Variants in SMYD3 observed in about 807,000 individuals in gnomAD.
SMYD3 encodes the protein histone-lysine N-methyltransferase SMYD3.
A neutral mutation model predicts 57.7 loss-of-function variants in SMYD3; 36 were observed. The observed-to-expected ratio is 0.62, with a 90% confidence interval of 0.48 to 0.82. SMYD3 has a LOEUF of 0.82. Among genes scored for constraint, SMYD3 ranks in the 40% least tolerant of loss-of-function variants. The probability of loss-of-function intolerance (pLI) is 0.00; values close to 1 mark genes in which losing one functional copy is unlikely to be tolerated. For synonymous variants in SMYD3, 211 were observed against 195.0 expected (o/e 1.08, Z -0.68); for missense variants, 515 against 538.8 (o/e 0.96, Z 0.44).
At position 245,997,801 on chromosome 1, in the gene SMYD3, T is replaced by A. The variant is rs555423171; in HGVS notation, c.532-67864A>T. 5.3e-5 allele frequency among the ~76,000 whole-genome samples: 8 copies of A among 152,024 alleles called. No individual in the cohort carries two copies. In the East Asian group the frequency reaches 1.5e-3, roughly 29 times the overall value. Reference sequence around the variant, plus strand: ...AAGGGGGAAGGACAAAGGCAGGATGTGAGGATGGTCAGGGAGTGATCAGAA... The same window carrying A: ...AAGGGGGAAGGACAAAGGCAGGATGAGAGGATGGTCAGGGAGTGATCAGAA... On this transcript the variant is annotated intron_variant, in intron 5 of 11. Transcript: ENST00000490107.
intron 5 of SMYD3, among the ~76,000 whole-genome samples, chr1:246,259,505 C>G (rs79570895): frequency 2.0e-5 from 3 of 151,978 alleles, no homozygotes; most frequent in Admixed American, 2.0e-4. Flanking sequence ...TCTATCTTTG[C>G]TCTGCCTTTG....
intron 1 of SMYD3, among the ~76,000 whole-genome samples, chr1:246,365,331 A>T (rs1357092289): frequency 2.0e-5 from 3 of 151,526 alleles, no homozygotes; most frequent in African/African-American, 4.8e-5. Flanking sequence ...TACAAAAAAA[A>T]AAAAAATTAA....
At chr1:245,883,251 T>C (rs531312365) in intron 8 of SMYD3, among the ~76,000 whole-genome samples, 11 of 152,258 alleles carry the variant, frequency 7.2e-5, no homozygotes, top group African/African-American at 2.6e-4. Flanking sequence ...TTCCAAACTG[T>C]ATAAGCAATA....
intron 5 of SMYD3, among the ~76,000 whole-genome samples, chr1:246,302,036 G>C (rs2064899114): frequency 1.3e-5 from 2 of 152,122 alleles, no homozygotes; most frequent in African/African-American, 4.8e-5. Flanking sequence ...CAAGCACATA[G>C]AAATACCGCG....
rs537425145 is a variant in SMYD3 at position 246,348,972 on chromosome 1, A to G, written c.228+6059T>C. On this transcript the variant is annotated intron_variant, in intron 2 of 11. Transcript: ENST00000490107. ...TGAGAGAAAAAAAAATTACTAATCTAGAATTCTGTACCCTGTGGAATTACC... is the reference window on the plus strand; with the variant it reads ...TGAGAGAAAAAAAAATTACTAATCTGGAATTCTGTACCCTGTGGAATTACC... Among the ~76,000 whole-genome samples, 84 of 152,230 alleles carry G rather than the reference A, an allele frequency of 5.5e-4. 2 individuals carry two copies. In the South Asian group the frequency reaches 0.016, roughly 30 times the overall value.
At chr1:246,058,797 G>A (rs1159052113) in intron 5 of SMYD3, among the ~76,000 whole-genome samples, 1 of 151,698 alleles carries the variant, frequency 6.6e-6, no homozygotes, top group Non-Finnish European at 1.5e-5. Flanking sequence ...AGTATAGAAG[G>A]ACTTTTATTG....
At chr1:245,867,641 TGCATGC>T (rs2051931244) in intron 8 of SMYD3, among the ~76,000 whole-genome samples, 1 of 81,916 alleles carries the variant, frequency 1.2e-5, no homozygotes, top group African/African-American at 3.2e-5. Flanking sequence ...AGAAGATATG[TGCATGC>T]GCGTGCGTGT....
chr1:246,246,806 ACT>A (rs902544862), intron 5 of SMYD3, among the ~76,000 whole-genome samples: 2 of 150,698 alleles, frequency 1.3e-5, no homozygotes, highest in African/African-American at 4.9e-5. Flanking sequence ...AATTTGCCTG[ACT>A]CTAACATTTA....
rs576143557 is a variant in SMYD3, at chr1:246,110,597, C to T, written c.532-180660G>A. On this transcript the variant is annotated intron_variant, in intron 5 of 11. Coordinates refer to ENST00000490107, the MANE Select transcript of SMYD3 (RefSeq NM_001167740.2). Reference sequence around the variant, plus strand: ...AGCTGAGCTGTGTCCTGGCTCCCCGCTGCAAGACAGACAGATCTGGTGCTC... The same window carrying T: ...AGCTGAGCTGTGTCCTGGCTCCCCGTTGCAAGACAGACAGATCTGGTGCTC... Among the ~76,000 whole-genome samples, 9 of 152,350 alleles carry T rather than the reference C, an allele frequency of 5.9e-5. No individual in the cohort carries two copies. The South Asian group carries it at 1.9e-3, about 32-fold the overall frequency.
chr1:246,225,575 G>C (rs977689054), intron 5 of SMYD3, among the ~76,000 whole-genome samples: 1 of 152,100 alleles, frequency 6.6e-6, no homozygotes, highest in Non-Finnish European at 1.5e-5. Flanking sequence ...GAGCGAGCCC[G>C]CACCAGCACA....
chr1:246,005,577 C>A (rs2059154129), intron 5 of SMYD3, among the ~76,000 whole-genome samples: 1 of 152,198 alleles, frequency 6.6e-6, no homozygotes, highest in Non-Finnish European at 1.5e-5. Flanking sequence ...TGCCTCCTCT[C>A]AGCTGGAATA....
chr1:246,170,788 A>G (rs2062316235), intron 5 of SMYD3, among the ~76,000 whole-genome samples: 1 of 152,192 alleles, frequency 6.6e-6, no homozygotes, highest in East Asian at 1.9e-4. Flanking sequence ...ACACGTTATA[A>G]TGCTCAGTCT....
At chr1:246,483,592 T>C (rs2068142252) in intron 1 of SMYD3, 1 of 152,224 alleles carries the variant, frequency 6.6e-6, no homozygotes, top group Non-Finnish European at 1.5e-5. Flanking sequence ...ATGTAAAGCC[T>C]TAAAGGACCA....
At chr1:246,128,820 T>C (rs985178486) in intron 5 of SMYD3, among the ~76,000 whole-genome samples, 7 of 152,126 alleles carry the variant, frequency 4.6e-5, no homozygotes, top group Non-Finnish European at 8.8e-5. Flanking sequence ...TGTTTTGCTT[T>C]GAGATGGGGT....
At chr1:246,345,924 G>A (rs949232828) in intron 2 of SMYD3, among the ~76,000 whole-genome samples, 2 of 152,108 alleles carry the variant, frequency 1.3e-5, no homozygotes, top group Non-Finnish European at 2.9e-5. Flanking sequence ...ATCCTAAACT[G>A]AGAAACACCT....
intron 5 of SMYD3, among the ~76,000 whole-genome samples, chr1:246,147,235 A>G (rs1225326035): frequency 1.3e-5 from 2 of 148,150 alleles, no homozygotes; most frequent in Admixed American, 1.4e-4. Flanking sequence ...TTCCCAGTCC[A>G]AGGAAAGGCT....
intron 5 of SMYD3, among the ~76,000 whole-genome samples, chr1:246,272,863 A>G (rs1053864832): frequency 1.3e-5 from 2 of 152,208 alleles, no homozygotes; most frequent in African/African-American, 2.4e-5. Context: ...AAAGATTAGT[A>G]TCAGCTTCTC....
At chr1:246,002,300 T>C (rs1341688888) in intron 5 of SMYD3, among the ~76,000 whole-genome samples, 1 of 105,754 alleles carries the variant, frequency 9.5e-6, no homozygotes, top group African/African-American at 3.0e-5. Flanking sequence ...TTCTCCTGCC[T>C]CAGCCTCCCG....
At chr1:246,346,192 G>T (rs908433551) in intron 2 of SMYD3, among the ~76,000 whole-genome samples, 1 of 152,128 alleles carries the variant, frequency 6.6e-6, no homozygotes, top group Non-Finnish European at 1.5e-5. Context: ...GCTGAGGCAG[G>T]AGAATGGCGT....
Sources: allele counts gnomAD v4.1 joint callset (sites outside exome capture counted in the v4.1 genomes callset), GRCh38; gene constraint gnomAD v4.1.1; transcripts MANE v1.5; gene names NCBI Gene and HGNC (gene_info 2026-07-23, HGNC 2026-07-21).